The following GRIN2B variants were observed in gnomAD, a reference collection of about 807,000 sequenced individuals.
GRIN2B encodes glutamate receptor ionotropic, NMDA 2B.
A neutral mutation model predicts 114.5 loss-of-function variants in GRIN2B; 5 were observed. That is an observed-to-expected ratio of 0.04 (90% CI 0.02 to 0.09). The LOEUF (loss-of-function observed/expected upper bound fraction) is 0.09. Among genes scored for constraint, GRIN2B ranks in the 10% least tolerant of loss-of-function variants. GRIN2B has a pLI of 1.00. For missense variants in GRIN2B, 1,108 were observed against 1,943.5 expected (o/e 0.57, Z 8.08); for synonymous variants, 787 against 745.1 (o/e 1.06, Z -0.92).
At chr12:13,636,839 A>C (rs1477119133) in intron 5 of GRIN2B, among the ~76,000 whole-genome samples, 1 of 152,190 alleles carries the variant, frequency 6.6e-6, no homozygotes, top group African/African-American at 2.4e-5. Flanking sequence ...TCCTCTGTTA[A>C]ATGGAGATAT....
chr12:13,654,633 T>C (rs1463689716), intron 5 of GRIN2B, among the ~76,000 whole-genome samples: 1 of 152,100 alleles, frequency 6.6e-6, no homozygotes, highest in Non-Finnish European at 1.5e-5. Flanking sequence ...TTTCACTGAG[T>C]TCCTGTATAC....
At chr12:13,899,993 C>T (rs1363591553) in intron 2 of GRIN2B, among the ~76,000 whole-genome samples, 2 of 152,126 alleles carry the variant, frequency 1.3e-5, no homozygotes, top group Admixed American at 1.3e-4. Context: ...CATATTTTAC[C>T]ACTCCCATGT....
rs543656157 is a variant in GRIN2B at position 13,882,910 on chromosome 12, T to C, written c.-18-16684A>G. Among the ~76,000 whole-genome samples, 78 of 152,322 alleles carry C rather than the reference T, an allele frequency of 5.1e-4. No homozygotes were observed. The South Asian group carries it at 7.5e-3, about 15-fold the overall frequency. Reference sequence around the variant, plus strand: ...CACCCCAAATATTTCCGTGTTCCTTTATAATCAATCCCTTAGCCCTCTCCT... The same window carrying C: ...CACCCCAAATATTTCCGTGTTCCTTCATAATCAATCCCTTAGCCCTCTCCT... On this transcript the variant is annotated intron_variant, in intron 2 of 13. Transcript: ENST00000609686.
chr12:13,978,767 C>T (rs776998643), intron 2 of GRIN2B, among the ~76,000 whole-genome samples: 8 of 152,188 alleles, frequency 5.3e-5, no homozygotes, highest in Non-Finnish European at 8.8e-5. Context: ...GCAGCCCACT[C>T]ACCATCATGG....
chr12:13,962,085 T>TGCATACACACACACAC (rs1867701930), intron 2 of GRIN2B, among the ~76,000 whole-genome samples: 1 of 60,352 alleles, frequency 1.7e-5, no homozygotes, highest in Non-Finnish European at 3.5e-5. Flanking sequence ...GTCTCTCTCA[T>TGCATACACACACACAC]ACATACACAC....
intron 3 of GRIN2B, among the ~76,000 whole-genome samples, chr12:13,846,454 T>G (rs779471585): frequency 1.3e-5 from 2 of 152,208 alleles, no homozygotes; most frequent in Non-Finnish European, 2.9e-5. Flanking sequence ...CGCAGTTGCT[T>G]TGACAAATGA....
chr12:13,770,194 C>T (rs953803211), intron 3 of GRIN2B, among the ~76,000 whole-genome samples: 3 of 152,208 alleles, frequency 2.0e-5, no homozygotes, highest in African/African-American at 7.2e-5. Context: ...GTTCAAATCA[C>T]ATCATTCCCC....
chr12:13,816,543 G>A (rs1370100904), intron 3 of GRIN2B, among the ~76,000 whole-genome samples: 2 of 152,134 alleles, frequency 1.3e-5, no homozygotes, highest in African/African-American at 4.8e-5. Context: ...TAAGAAGCAT[G>A]GAAATTCCAC....
intron 2 of GRIN2B, among the ~76,000 whole-genome samples, chr12:13,873,046 A>C (rs1309342854): frequency 6.6e-6 from 1 of 152,230 alleles, no homozygotes. Flanking sequence ...TATTAAACAC[A>C]ATGTCCTTAT....
chr12:13,590,707 A>T (rs145012773), intron 10 of GRIN2B, among the ~76,000 whole-genome samples: 206 of 152,326 alleles, frequency 1.4e-3, no homozygotes, highest in African/African-American at 4.8e-3. Context: ...TGCAATAAAC[A>T]TATGTGTGCA....
chr12:13,684,838 C>T (rs972358150), intron 4 of GRIN2B, among the ~76,000 whole-genome samples: 1 of 152,156 alleles, frequency 6.6e-6, no homozygotes, highest in Non-Finnish European at 1.5e-5. Context: ...TAGCTGATCA[C>T]TGACTACGTT....
At chr12:13,882,652 C>G (rs780948050) in intron 2 of GRIN2B, among the ~76,000 whole-genome samples, 7 of 152,028 alleles carry the variant, frequency 4.6e-5, no homozygotes, top group Non-Finnish European at 5.9e-5. Context: ...TTGAAAGATA[C>G]TATGCAAATG....
intron 3 of GRIN2B, among the ~76,000 whole-genome samples, chr12:13,847,615 G>C (rs144700853): frequency 4.6e-5 from 7 of 152,030 alleles, no homozygotes; most frequent in East Asian, 1.9e-4. Context: ...CACAGGAGAT[G>C]GGGGGGAGGA....
intron 2 of GRIN2B, among the ~76,000 whole-genome samples, chr12:13,902,884 G>A (rs1036088355): frequency 1.3e-5 from 2 of 152,026 alleles, no homozygotes; most frequent in Admixed American, 1.3e-4. Context: ...AACTAAGCCT[G>A]GCACACTTTT....
intron 3 of GRIN2B, among the ~76,000 whole-genome samples, chr12:13,864,781 T>C (rs1387428609): frequency 1.3e-5 from 2 of 152,178 alleles, no homozygotes; most frequent in Admixed American, 1.3e-4. Context: ...TAGGATTTGT[T>C]GGAGATTTAA....
intron 2 of GRIN2B, among the ~76,000 whole-genome samples, chr12:13,969,993 T>C (rs1867848816): frequency 6.6e-6 from 1 of 152,158 alleles, no homozygotes; most frequent in South Asian, 2.1e-4. Context: ...GCTGGGATTA[T>C]AGGCAACTGC....
At chr12:13,637,714 G>C (rs139319396) in intron 5 of GRIN2B, among the ~76,000 whole-genome samples, 38 of 152,232 alleles carry the variant, frequency 2.5e-4, no homozygotes, top group Middle Eastern at 3.4e-3. Flanking sequence ...AGATTTACTA[G>C]TTTTCTTCTC....
intron 5 of GRIN2B, among the ~76,000 whole-genome samples, chr12:13,632,830 C>A (rs897398661): frequency 1.3e-5 from 2 of 152,256 alleles, no homozygotes; most frequent in Non-Finnish European, 2.9e-5. Flanking sequence ...ATTAGAATCA[C>A]CTGTAATGTG....
At chr12:13,870,346 G>T (rs1015432863) in intron 2 of GRIN2B, among the ~76,000 whole-genome samples, 1 of 152,256 alleles carries the variant, frequency 6.6e-6, no homozygotes, top group African/African-American at 2.4e-5. Flanking sequence ...CAAAGCAGCA[G>T]GATTAGAGAG....
Sources: allele counts gnomAD v4.1 joint callset (sites outside exome capture counted in the v4.1 genomes callset), GRCh38; gene constraint gnomAD v4.1.1; transcripts MANE v1.5; gene names NCBI Gene and HGNC (gene_info 2026-07-23, HGNC 2026-07-21).